Variants in OTOG observed in about 807,000 individuals in gnomAD.
The protein encoded by OTOG is otogelin.
In OTOG, 296 loss-of-function variants were observed where a neutral mutation model predicts 313.8. That is an observed-to-expected ratio of 0.94 (90% CI 0.86 to 1.04). The LOEUF (loss-of-function observed/expected upper bound fraction) is 1.04. Ranked by LOEUF, OTOG falls within the 50% of genes least tolerant of loss-of-function variation. OTOG has a pLI of 0.00. For synonymous variants in OTOG, 1,533 were observed against 1,554.9 expected, an observed-to-expected ratio of 0.99 and a Z score of 0.33; for missense variants, 3,948 against 3,840.1, an observed-to-expected ratio of 1.03 and a Z score of -0.74.
At chr11:17,606,159 C>T (rs916544592) in intron 33 of OTOG, 24 bp downstream of exon 33, 3 of 1,509,000 alleles carry the variant, frequency 2.0e-6, no homozygotes, top group Middle Eastern at 2.3e-4. Context: ...TGCCATTGCC[C>T]TCGGCCCTTT....
At chr11:17,556,979 C>T in intron 7 of OTOG, 139 bp from the exon 8 acceptor site, 9 of 804,790 alleles carry the variant, frequency 1.1e-5, no homozygotes, top group Non-Finnish European at 1.8e-5. Context: ...CTTCCAGGCA[C>T]CTGGGAATTC....
rs551934406 is a variant in OTOG, at chr11:17,613,604, C to G, written c.6439-8C>G. On this transcript the variant is annotated splice_region_variant and splice_polypyrimidine_tract_variant and intron_variant, in intron 38 of 55. Transcript: ENST00000399397. Reference sequence around the variant, plus strand: ...TCCAAGTTGATGAGGGCTGGGTTCTCTCTGCAGGGGCACCTGAACTGGCCC... The same window carrying G: ...TCCAAGTTGATGAGGGCTGGGTTCTGTCTGCAGGGGCACCTGAACTGGCCC... 10 of 1,550,462 alleles carry G rather than the reference C, an allele frequency of 6.4e-6. No homozygotes were observed. In the South Asian group the frequency reaches 9.5e-5, roughly 15 times the overall value.
chr11:17,609,037 T>C lies in OTOG; in HGVS notation c.4275-93T>C, dbSNP rs890126286. ...CACATGTGTGCACGCACATGTGTCA[T>C]AAGAAAGGATAAGGCCTGTGCTCAA... is the stretch of plus-strand genomic sequence containing the variant. On this transcript the variant is annotated intron_variant, in intron 34 of 55. Transcript: ENST00000399397. 10 of 986,400 alleles carry C rather than the reference T, an allele frequency of 1.0e-5. No homozygotes were observed. In the Admixed American group the frequency reaches 1.6e-4, roughly 16 times the overall value. The allele number at this position is 986,400 out of a possible 1,614,324, so 61.1% of individuals were successfully genotyped here. A position where few individuals can be genotyped will look rare whatever the true frequency, so the allele number is the denominator to read the frequency against.
chr11:17,599,781 G>T, intron 31 of OTOG, 84 bp downstream of exon 31: 1 of 1,464,940 alleles, frequency 6.8e-7, no homozygotes. Context: ...CAGCCATCCC[G>T]AGGCGCTGCT....
chr11:17,621,793 G>T (rs191246160), intron 39 of OTOG, among the ~76,000 whole-genome samples: 1 of 152,042 alleles, frequency 6.6e-6, no homozygotes, highest in Non-Finnish European at 1.5e-5. Flanking sequence ...TCCATTTTTT[G>T]TTTTCAGGGA....
chr11:17,584,475 A>G (rs1852747266), intron 23 of OTOG, among the ~76,000 whole-genome samples: 1 of 150,528 alleles, frequency 6.6e-6, no homozygotes, highest in African/African-American at 2.4e-5. Flanking sequence ...GTTTCTTTTT[A>G]TTTCTATTAT....
Position 17,574,842 on chromosome 11 carries a change from G to A in OTOG, c.2416G>A (p.Glu806Lys), listed in dbSNP as rs1441952275. 2.1e-5 allele frequency: 32 copies of A among 1,549,394 alleles called. No individual in the cohort carries two copies. The highest frequency in any genetic ancestry group is 1.5e-4 in the African/African-American group (11 of 73,046). Residue 806 changes from glutamate to lysine, a missense_variant, in exon 20 of 56, where the codon GAG (glutamate) becomes AAG (lysine). By Grantham distance (56) the Glu-to-Lys change is moderately conservative. Coordinates refer to ENST00000399397, the MANE Select transcript of OTOG (RefSeq NM_001292063.2). ...VDGGDDLSRD[E>K]CVEGCACPPD... Reference sequence around the variant, plus strand: ...TGGTGGCGATGACCTGAGCAGAGACGAGTGTGTGGAGGGCTGTGCCTGCCC... The same window carrying A: ...TGGTGGCGATGACCTGAGCAGAGACAAGTGTGTGGAGGGCTGTGCCTGCCC...
At chr11:17,641,715 T>C in intron 51 of OTOG, 132 bp from the exon 52 acceptor site, 1 of 624,502 alleles carries the variant, frequency 1.6e-6, no homozygotes, top group Non-Finnish European at 2.8e-6. Flanking sequence ...AGAAGGAGGC[T>C]GGGAGCGCCT....
chr11:17,567,904 T>A (rs577571438), intron 15 of OTOG, among the ~76,000 whole-genome samples: 95 of 104,058 alleles, frequency 9.1e-4, no homozygotes, highest in African/African-American at 3.6e-3. Flanking sequence ...TTTCTTTTCT[T>A]TTCTTTTCTT....
At chr11:17,585,186 A>G (rs1852763704) in intron 23 of OTOG, among the ~76,000 whole-genome samples, 2 of 152,250 alleles carry the variant, frequency 1.3e-5, no homozygotes, top group African/African-American at 4.8e-5. Flanking sequence ...TTCTTTAAAG[A>G]TATTGGGCTA....
intron 42 of OTOG, 139 bp from the exon 43 acceptor site, chr11:17,633,541 C>G: frequency 1.3e-6 from 1 of 758,152 alleles, no homozygotes; most frequent in East Asian, 2.8e-5. Flanking sequence ...TGTCACCAAG[C>G]CCTTTAACTT....
chr11:17,626,859 A>G (rs1853997029), intron 39 of OTOG, among the ~76,000 whole-genome samples: 1 of 152,202 alleles, frequency 6.6e-6, no homozygotes, highest in South Asian at 2.1e-4. Context: ...TTCTTAGATA[A>G]TTTAATTTTA....
At chr11:17,639,524 C>T (rs1440459790) in intron 49 of OTOG, 61 bp downstream of exon 49, 2 of 1,494,450 alleles carry the variant, frequency 1.3e-6, no homozygotes, top group African/African-American at 1.4e-5. Context: ...TCCTCTCTAT[C>T]CCCTCCTCTA....
At chr11:17,627,058 C>T (rs1854001096) in intron 39 of OTOG, among the ~76,000 whole-genome samples, 1 of 152,138 alleles carries the variant, frequency 6.6e-6, no homozygotes, top group African/African-American at 2.4e-5. Flanking sequence ...ATTATATCGT[C>T]TGCAAACAGG....
Position 17,559,061 on chromosome 11 carries a change from T to C in OTOG, c.1113T>C (p.Gly371=). ...TGGTTTCTCTGCACAGATCAATGGG[T>C]GATGTAGCCACCTGGTGCCGGGCAC... ...SCTSDLCQSM[G]DVATWCRALA... Residue 371 remains glycine, a synonymous_variant, in exon 11 of 56, where the codon GGT becomes GGC. Transcript: ENST00000399397. 6.5e-7 allele frequency: 1 copy of C among 1,548,436 alleles called. No homozygotes were observed.
At position 17,568,202 on chromosome 11, in the gene OTOG, C is replaced by T. The variant is rs563707357; in HGVS notation, c.1645-954C>T. On this transcript the variant is annotated intron_variant, in intron 15 of 55. Transcript: ENST00000399397. ...GATTACAGGCGTGAGCCACCGCACCCGGCCAGTAACACTTTCTTAATCAGA... is the reference window on the plus strand; with the variant it reads ...GATTACAGGCGTGAGCCACCGCACCTGGCCAGTAACACTTTCTTAATCAGA... Among the ~76,000 whole-genome samples, 224 of 152,242 alleles carry T rather than the reference C, an allele frequency of 1.5e-3. 1 individual carries two copies. Among genetic ancestry groups the T allele is most frequent in the African/African-American group, 5.2e-3 (214 of 41,538 alleles).
chr11:17,572,357 A>G (rs1852423653), intron 18 of OTOG, among the ~76,000 whole-genome samples, 153 bp downstream of exon 18: 1 of 152,172 alleles, frequency 6.6e-6, no homozygotes, highest in Non-Finnish European at 1.5e-5. Flanking sequence ...GAAAGGAGAG[A>G]CAGTGAGGGC....
chr11:17,636,303 C>A (rs192721001), intron 47 of OTOG, among the ~76,000 whole-genome samples: 1 of 151,994 alleles, frequency 6.6e-6, no homozygotes, highest in Non-Finnish European at 1.5e-5. Flanking sequence ...TACATAGTAC[C>A]TCAATAGTAA....
At chr11:17,554,869 A>T (rs887632658) in intron 6 of OTOG, among the ~76,000 whole-genome samples, 11 of 152,258 alleles carry the variant, frequency 7.2e-5, no homozygotes, top group Non-Finnish European at 1.6e-4. Context: ...AGACAAATAA[A>T]ATAGAAAATA....
Sources: gnomAD v4.1 joint callset for allele counts (sites outside exome capture counted in the v4.1 genomes callset) on GRCh38, gnomAD v4.1.1 for gene constraint, MANE v1.5 for transcripts, NCBI Gene and HGNC (gene_info 2026-07-23, HGNC 2026-07-21) for gene names.